Variants in TBL3 observed in about 807,000 individuals in gnomAD.
TBL3 encodes the protein transducin beta like 3.
Under a neutral mutation model 102.7 loss-of-function variants are expected in TBL3, and 71 were observed. The observed-to-expected ratio is 0.69, with a 90% confidence interval of 0.57 to 0.84. The LOEUF is 0.84. Among genes scored for constraint, TBL3 ranks in the 40% least tolerant of loss-of-function variants. The pLI is 0.00. For synonymous variants in TBL3, 578 were observed against 477.7 expected (o/e 1.21, Z -2.74); for missense variants, 1,188 against 1,098.5 (o/e 1.08, Z -1.15).
At chr16:1,972,496 G>T (rs1477884985) in intron 1 of TBL3, among the ~76,000 whole-genome samples, 1 of 152,212 alleles carries the variant, frequency 6.6e-6, no homozygotes, top group Admixed American at 6.5e-5. Flanking sequence ...GGGGAGGAGA[G>T]GGCTGAGCCT....
At position 1,979,752 on chromosome 16, in the gene TBL3, C is replaced by G. The variant is rs759198508; in HGVS notation, c.*1067C>G. 53 of 1,436,674 alleles carry G rather than the reference C, an allele frequency of 3.7e-5. 1 individual carries two copies. In the South Asian group the frequency reaches 6.8e-4, roughly 18 times the overall value. The allele number at this position is 1,436,674 out of a possible 1,614,324, so 89.0% of individuals were successfully genotyped here. On this transcript the variant is annotated 3_prime_UTR_variant, in exon 22 of 22. Transcript: ENST00000568546. ...GGCCCAGTCTTGCCACACGGTCAAG[C>G]CGCAGTGGTGGCGTGAGGGGTGGGG...
Position 1,981,027 on chromosome 16 carries a change from A to G in TBL3, c.*2342A>G. On this transcript the variant is annotated 3_prime_UTR_variant, in exon 22 of 22. Transcript: ENST00000568546. Reference sequence around the variant, plus strand: ...CACAGAGAAGGCAAACGTCTGGGGGACAAAAAGTTGGGAGTGCCGTGGAGG... The same window carrying G: ...CACAGAGAAGGCAAACGTCTGGGGGGCAAAAAGTTGGGAGTGCCGTGGAGG... The G allele has an allele frequency of 6.2e-7, 1 of 1,613,222 alleles. No homozygotes were observed. Among genetic ancestry groups the G allele is most frequent in the Non-Finnish European group, 8.5e-7 (1 of 1,179,924 alleles).
Position 1,980,115 on chromosome 16 carries a change from G to C in TBL3, c.*1430G>C. Reference sequence around the variant, plus strand: ...AGCGCAGGCTCTGAGCCTCCAGACTGTGGATGGAGAGGCGGCCCGCAGCGC... The same window carrying C: ...AGCGCAGGCTCTGAGCCTCCAGACTCTGGATGGAGAGGCGGCCCGCAGCGC... On this transcript the variant is annotated 3_prime_UTR_variant, in exon 22 of 22. Coordinates refer to ENST00000568546, the MANE Select transcript of TBL3 (RefSeq NM_006453.3). 4 of 1,608,402 alleles carry C rather than the reference G, an allele frequency of 2.5e-6. No individual in the cohort carries two copies. The highest frequency in any genetic ancestry group is 1.1e-5 in the South Asian group (1 of 90,276).
Position 1,982,260 on chromosome 16 carries a change from C to T in TBL3, c.*3575C>T, listed in dbSNP as rs1423814110. The T allele has an allele frequency of 2.0e-5, 3 of 152,226 alleles. No homozygotes were observed. In the East Asian group the frequency reaches 5.8e-4, roughly 29 times the overall value. 9.4% of individuals were successfully genotyped at this position (152,226 alleles called of 1,614,324 possible). ...GTCCCACCAGCACTCTCTCTCATGC[C>T]CTCAAGCTGTCCCTGGTCTTGGCAT... On this transcript the variant is annotated 3_prime_UTR_variant, in exon 22 of 22. Coordinates refer to ENST00000568546, the MANE Select transcript of TBL3 (RefSeq NM_006453.3).
At chr16:1,975,492 C>A (rs768937909) in intron 9 of TBL3, 37 bp from the exon 10 acceptor site, 1 of 1,603,794 alleles carries the variant, frequency 6.2e-7, no homozygotes, top group South Asian at 1.1e-5. Flanking sequence ...GGCCTGTGGA[C>A]CTGAGAGTCT....
At position 1,979,339 on chromosome 16, in the gene TBL3, G is replaced by A. The variant is rs769241602; in HGVS notation, c.*654G>A. The A allele has an allele frequency of 2.5e-6, 4 of 1,576,064 alleles. No homozygotes were observed. The highest frequency in any genetic ancestry group is 1.1e-5 in the South Asian group (1 of 87,858). The stretch of plus-strand genomic sequence containing the variant: ...AGCACCGCGGGGAGTAGGCCCGCCC[G>A]GTCGCCGTACCTGCGAGGGGCGGGG... On this transcript the variant is annotated 3_prime_UTR_variant, in exon 22 of 22. Coordinates refer to ENST00000568546, the MANE Select transcript of TBL3 (RefSeq NM_006453.3).
chr16:1,975,232 C>G lies in TBL3; in HGVS notation c.681C>G (p.Cys227Trp). ...GTATCATCTGGGACCTTCAGAGCTG[C>G]CAGGCCACGAGGACCGTGCCTGTGT... ...KICIIWDLQSCQATRTVPVFE... is the reference protein window; with the variant it reads ...KICIIWDLQSWQATRTVPVFE... Residue 227 changes from cysteine to tryptophan, a missense_variant, in exon 8 of 22, where the codon TGC becomes TGG. Physicochemically the swap from Cys to Trp is radical, Grantham distance 215 (BLOSUM62 -2). Coordinates refer to ENST00000568546, the MANE Select transcript of TBL3 (RefSeq NM_006453.3). 6.2e-7 allele frequency: 1 copy of G among 1,613,920 alleles called. No individual in the cohort carries two copies. Among genetic ancestry groups the G allele is most frequent in the Non-Finnish European group, 8.5e-7 (1 of 1,180,010 alleles).
rs745709851 is a variant in TBL3, at chr16:1,981,064, G to A, written c.*2379G>A. 5 of 1,610,248 alleles carry A rather than the reference G, an allele frequency of 3.1e-6. No homozygotes were observed. In the Admixed American group the frequency reaches 5.0e-5, roughly 16 times the overall value. On this transcript the variant is annotated 3_prime_UTR_variant, in exon 22 of 22. Transcript: ENST00000568546. ...GAGTGCCGTGGAGGTGCTGGTCCAG[G>A]CACCCCCTTCCTATCCCTTGGGGCC... is the stretch of plus-strand genomic sequence containing the variant.
Position 1,975,195 on chromosome 16 carries a change from G to A in TBL3, c.644G>A (p.Arg215His), listed in dbSNP as rs147036287. 3.9e-5 allele frequency: 63 copies of A among 1,613,712 alleles called. No individual in the cohort carries two copies. The highest frequency in any genetic ancestry group is 4.6e-5 in the Non-Finnish European group (54 of 1,180,030). Residue 215 changes from arginine to histidine, a missense_variant, in exon 8 of 22, where the codon CGT (arginine) becomes CAT (histidine). Coordinates refer to ENST00000568546, the MANE Select transcript of TBL3 (RefSeq NM_006453.3). ...ADGHTMLSSG[R>H]DKICIIWDLQ... ...TGCCGTTGCTCCTTCAGCTCCGGCC[G>A]TGACAAGATATGTATCATCTGGGAC... is the stretch of plus-strand genomic sequence containing the variant.
chr16:1,981,229 G>A lies in TBL3; in HGVS notation c.*2544G>A, dbSNP rs777423138. On this transcript the variant is annotated 3_prime_UTR_variant, in exon 22 of 22. Coordinates refer to ENST00000568546, the MANE Select transcript of TBL3 (RefSeq NM_006453.3). ...TCCTGAAATGGGCGAGGACCCTTCT[G>A]CCTCCCCGTGCTTGAGAGGGCTCTG... 3.7e-6 allele frequency: 6 copies of A among 1,610,604 alleles called. No individual in the cohort carries two copies. In the Admixed American group the frequency reaches 8.4e-5, roughly 22 times the overall value.
At chr16:1,972,775 A>G (rs1325672301) in intron 1 of TBL3, among the ~76,000 whole-genome samples, 2 of 152,174 alleles carry the variant, frequency 1.3e-5, no homozygotes, top group Non-Finnish European at 2.9e-5. Context: ...TGGTTGTGCC[A>G]AGCACTGGTA....
Position 1,977,066 on chromosome 16 carries a change from G to T in TBL3, c.1453G>T (p.Val485Leu), listed in dbSNP as rs749858979. 6.2e-7 allele frequency: 1 copy of T among 1,613,284 alleles called. No individual in the cohort carries two copies. The highest frequency in any genetic ancestry group is 1.1e-5 in the South Asian group (1 of 91,076). Residue 485 changes from valine to leucine, a missense_variant, in exon 15 of 22, where the codon GTG becomes TTG. By Grantham distance (32) the Val-to-Leu change is conservative (BLOSUM62 1). Transcript: ENST00000568546. ...QRCHDKDINSVAIAPNDKLLA... is the reference protein window; with the variant it reads ...QRCHDKDINSLAIAPNDKLLA... ...CTCCCATTGCCAGGACATCAACAGC[G>T]TGGCTATTGCCCCCAACGACAAGCT...
chr16:1,980,019 G>T lies in TBL3; in HGVS notation c.*1334G>T. On this transcript the variant is annotated 3_prime_UTR_variant, in exon 22 of 22. Coordinates refer to ENST00000568546, the MANE Select transcript of TBL3 (RefSeq NM_006453.3). ...TACCTGAGGGGTGCCGCAGCAGCAC[G>T]TCCAGGCTCTCCTGGGCCTGCGCCT... The T allele has an allele frequency of 6.2e-7, 1 of 1,606,018 alleles. No individual in the cohort carries two copies. The highest frequency in any genetic ancestry group is 8.5e-7 in the Non-Finnish European group (1 of 1,177,524).
intron 4 of TBL3, 28 bp from the exon 5 acceptor site, chr16:1,974,510 C>T (rs759011964): frequency 6.9e-6 from 11 of 1,588,730 alleles, no homozygotes; most frequent in African/African-American, 1.3e-5. Context: ...GTATTGCTGC[C>T]CCTCTGCTGA....
In TBL3 at chr16:1,975,509, C is replaced by T; in HGVS notation, c.806-20C>T. 4 of 1,599,382 alleles carry T rather than the reference C, an allele frequency of 2.5e-6. No individual in the cohort carries two copies. The highest frequency in any genetic ancestry group is 3.4e-6 in the Non-Finnish European group (4 of 1,174,954). On this transcript the variant is annotated intron_variant, in intron 9 of 21. Coordinates refer to ENST00000568546, the MANE Select transcript of TBL3 (RefSeq NM_006453.3). ...CCTGTGGACCTGAGAGTCTCAGCAG[C>T]CCTGTCCCCACCCACACAGGCACTC...
chr16:1,975,874 G>C lies in TBL3; in HGVS notation c.1054G>C (p.Val352Leu), dbSNP rs202186758. ...FLGPEDSHVV[V>L]ASNSPCLKVF... ...TGGGCCCGAGGACTCCCACGTTGTC[G>C]TGGCCTCCAATAGCCCCTGCCTAAA... is the stretch of plus-strand genomic sequence containing the variant. The change falls in exon 11 of 22, where the codon GTG (valine) becomes CTG (leucine). Residue 352 changes from valine (V) to leucine (L), a missense_variant. Transcript: ENST00000568546. 6.2e-7 allele frequency: 1 copy of C among 1,614,098 alleles called. No individual in the cohort carries two copies. The highest frequency in any genetic ancestry group is 8.5e-7 in the Non-Finnish European group (1 of 1,180,026).
At position 1,974,522 on chromosome 16, in the gene TBL3, C is replaced by T. The variant is rs1316536194; in HGVS notation, c.238-16C>T. 2.5e-6 allele frequency: 4 copies of T among 1,597,816 alleles called. No individual in the cohort carries two copies. Among genetic ancestry groups the T allele is most frequent in the South Asian group, 1.1e-5 (1 of 89,008 alleles). On this transcript the variant is annotated splice_polypyrimidine_tract_variant and intron_variant, in intron 4 of 21. Transcript: ENST00000568546. ...AGGGTATTGCTGCCCCTCTGCTGAC[C>T]TGTACCCTCCCCCAGGTGCTGGTGA...
At position 1,978,195 on chromosome 16, in the gene TBL3, G is replaced by GCTC; in HGVS notation, c.2111_2113dup (p.Leu704dup). ...CCTGCGAGAAGCTGGAAGCCACCAT[G>GCTC]CTCCGACTGCGGCGCGACCAGAAAG... On this transcript the variant is annotated inframe_insertion, in exon 20 of 22. Coordinates refer to ENST00000568546, the MANE Select transcript of TBL3 (RefSeq NM_006453.3). 6.2e-7 allele frequency: 1 copy of GCTC among 1,612,816 alleles called. No homozygotes were observed. Among genetic ancestry groups the GCTC allele is most frequent in the Non-Finnish European group, 8.5e-7 (1 of 1,179,928 alleles).
chr16:1,975,950 G>T lies in TBL3; in HGVS notation c.1129+1G>T. On this transcript the variant is annotated splice_donor_variant, in intron 11 of 21. Coordinates refer to ENST00000568546, the MANE Select transcript of TBL3 (RefSeq NM_006453.3). LOFTEE classifies it high-confidence loss of function. ...TGCCAGATCCTCCACGGCCACACGG[G>T]TGAGTGGGGCCAGCCCACCTGACAC... 1 of 1,614,162 alleles carries T rather than the reference G, an allele frequency of 6.2e-7. No homozygotes were observed. The highest frequency in any genetic ancestry group is 8.5e-7 in the Non-Finnish European group (1 of 1,180,016).
Sources: gnomAD v4.1 joint callset for allele counts (sites outside exome capture counted in the v4.1 genomes callset) on GRCh38, gnomAD v4.1.1 for gene constraint, MANE v1.5 for transcripts, NCBI Gene and HGNC (gene_info 2026-07-23, HGNC 2026-07-21) for gene names.